Variants in UNC13C observed in about 807,000 individuals in gnomAD.
The protein encoded by UNC13C is protein unc-13 homolog C.
UNC13C carries 174 observed loss-of-function variants against 245.4 expected under a neutral mutation model. The ratio of observed to expected loss-of-function variants is 0.71; its 90% confidence interval spans 0.63 to 0.80. The LOEUF is 0.80. Among genes scored for constraint, UNC13C ranks in the 30% least tolerant of loss-of-function variants. UNC13C has a pLI of 0.00. For missense variants in UNC13C, 2,829 were observed against 2,602.9 expected, an observed-to-expected ratio of 1.09 and a Z score of -1.89; for synonymous variants, 992 against 895.1, an observed-to-expected ratio of 1.11 and a Z score of -1.93.
intron 30 of UNC13C, among the ~76,000 whole-genome samples, chr15:54,568,573 A>AT (rs1452919536): frequency 6.6e-6 from 1 of 152,114 alleles, no homozygotes; most frequent in African/African-American, 2.4e-5. Flanking sequence ...TTGCTTTGTG[A>AT]TTTATTATAT....
At chr15:54,324,056 G>A (rs2038232704) in intron 14 of UNC13C, among the ~76,000 whole-genome samples, 1 of 151,970 alleles carries the variant, frequency 6.6e-6, no homozygotes, top group Admixed American at 6.6e-5. Context: ...ACTTCCTTTT[G>A]TAAATCCAAT....
At chr15:54,006,616 T>G (rs1402242666) in intron 1 of UNC13C, among the ~76,000 whole-genome samples, 1 of 152,228 alleles carries the variant, frequency 6.6e-6, no homozygotes, top group Non-Finnish European at 1.5e-5. Context: ...CTCCTTCATG[T>G]GGAAAGGATA....
chr15:54,629,078 C>A (rs1226898514), downstream of UNC13C: 1 of 152,112 alleles, frequency 6.6e-6, no homozygotes, highest in Non-Finnish European at 1.5e-5. Flanking sequence ...AAATGTGGTA[C>A]ATATACACCG....
intron 30 of UNC13C, among the ~76,000 whole-genome samples, chr15:54,591,991 A>G (rs747636993): frequency 1.3e-5 from 2 of 152,010 alleles, no homozygotes; most frequent in Non-Finnish European, 2.9e-5. Context: ...GATAGGTTGT[A>G]TAATTATTAT....
upstream of UNC13C, among the ~76,000 whole-genome samples, chr15:53,975,983 A>G (rs914899718): frequency 2.0e-5 from 3 of 152,214 alleles, no homozygotes; most frequent in African/African-American, 7.2e-5. Context: ...AACAGAATGC[A>G]TCTTACTGAT....
At chr15:54,213,604 G>C (rs571185414) in intron 4 of UNC13C, among the ~76,000 whole-genome samples, 63 of 152,142 alleles carry the variant, frequency 4.1e-4, no homozygotes, top group African/African-American at 1.5e-3. Flanking sequence ...TTCATGGGTT[G>C]CAGGCAAATT....
chr15:54,397,399 A>T (rs1311951805), intron 18 of UNC13C, among the ~76,000 whole-genome samples: 1 of 151,534 alleles, frequency 6.6e-6, no homozygotes, highest in Non-Finnish European at 1.5e-5. Context: ...AGCCGTAATT[A>T]CACCAGTACT....
At chr15:54,060,042 A>C (rs1325632959) in intron 2 of UNC13C, among the ~76,000 whole-genome samples, 1 of 152,228 alleles carries the variant, frequency 6.6e-6, no homozygotes, top group Non-Finnish European at 1.5e-5. Flanking sequence ...AATACCATTC[A>C]GGACATAGGC....
intron 13 of UNC13C, 63 bp downstream of exon 13, chr15:54,300,436 C>A: frequency 1.4e-6 from 2 of 1,397,000 alleles, no homozygotes; most frequent in Non-Finnish European, 1.9e-6. Context: ...AAGAAAGGAG[C>A]GTTCATCTCA....
intron 7 of UNC13C, among the ~76,000 whole-genome samples, chr15:54,239,114 C>A (rs2035784571): frequency 6.6e-6 from 1 of 152,202 alleles, no homozygotes; most frequent in African/African-American, 2.4e-5. Flanking sequence ...CCAATTTTAG[C>A]AACTTTGTCA....
chr15:54,500,083 T>C lies in UNC13C; in HGVS notation c.5065T>C (p.Phe1689Leu). 12 of 1,606,168 alleles carry C rather than the reference T, an allele frequency of 7.5e-6. No homozygotes were observed. The highest frequency in any genetic ancestry group is 9.3e-6 in the Non-Finnish European group (11 of 1,177,288). ...AACATTATTAATTTGTTATAGGTGGTTTGAACCTTTTGTCATGCAATGGCT... is the reference window on the plus strand; with the variant it reads ...AACATTATTAATTTGTTATAGGTGGCTTGAACCTTTTGTCATGCAATGGCT... ...KDAVPEYSLW[F>L]EPFVMQWLDE... The change falls in exon 21 of 33, where the codon TTT becomes CTT. Residue 1689 changes from phenylalanine (F) to leucine (L), a missense_variant. By Grantham distance (22) the Phe-to-Leu change is conservative (BLOSUM62 0). Coordinates refer to ENST00000260323, the MANE Select transcript of UNC13C (RefSeq NM_001080534.3).
intron 2 of UNC13C, among the ~76,000 whole-genome samples, chr15:54,062,080 G>C (rs1310821600): frequency 6.6e-6 from 1 of 152,056 alleles, no homozygotes; most frequent in African/African-American, 2.4e-5. Context: ...AGCAGTTTGG[G>C]AGGCCTAGGC....
intron 27 of UNC13C, among the ~76,000 whole-genome samples, chr15:54,548,955 C>T (rs1037808127): frequency 6.6e-6 from 1 of 152,162 alleles, no homozygotes; most frequent in Non-Finnish European, 1.5e-5. Flanking sequence ...AAAATACACA[C>T]TCCGATAAAA....
intron 17 of UNC13C, among the ~76,000 whole-genome samples, chr15:54,354,125 A>G (rs886114151): frequency 6.6e-6 from 1 of 152,112 alleles, no homozygotes; most frequent in Admixed American, 6.5e-5. Flanking sequence ...TTAGGAAGCT[A>G]TTGAGTCTTG....
chr15:54,375,575 T>C (rs1348015196), intron 17 of UNC13C, among the ~76,000 whole-genome samples: 1 of 152,248 alleles, frequency 6.6e-6, no homozygotes, highest in Non-Finnish European at 1.5e-5. Flanking sequence ...TTGAATTGAA[T>C]CAATGAAAAG....
At chr15:54,284,079 C>T (rs1271077453) in intron 10 of UNC13C, among the ~76,000 whole-genome samples, 3 of 152,166 alleles carry the variant, frequency 2.0e-5, no homozygotes, top group African/African-American at 4.8e-5. Context: ...TCATTACAAC[C>T]AATGACTTTA....
At chr15:54,146,729 A>G (rs1312568788) in intron 4 of UNC13C, among the ~76,000 whole-genome samples, 1 of 152,212 alleles carries the variant, frequency 6.6e-6, no homozygotes, top group Non-Finnish European at 1.5e-5. Context: ...ATGTAAGCAA[A>G]GAGTCATACA....
chr15:53,986,401 T>A (rs1894144272), intron 1 of UNC13C, among the ~76,000 whole-genome samples: 1 of 152,096 alleles, frequency 6.6e-6, no homozygotes, highest in Non-Finnish European at 1.5e-5. Flanking sequence ...ACTATAAGCC[T>A]GGATGAATTT....
At chr15:53,986,745 A>G (rs1894159723) in intron 1 of UNC13C, among the ~76,000 whole-genome samples, 1 of 151,220 alleles carries the variant, frequency 6.6e-6, no homozygotes, top group South Asian at 2.1e-4. Flanking sequence ...TAGTTCAGTT[A>G]TGTAAAACTC....
Sources: allele counts gnomAD v4.1 joint callset (sites outside exome capture counted in the v4.1 genomes callset), GRCh38; gene constraint gnomAD v4.1.1; transcripts MANE v1.5; gene names NCBI Gene and HGNC (gene_info 2026-07-23, HGNC 2026-07-21).